SNTG1: variants seen among roughly 807,000 people sequenced by gnomAD.
SNTG1 encodes the protein syntrophin gamma 1.
A neutral mutation model predicts 74.7 loss-of-function variants in SNTG1; 39 were observed. The ratio of observed to expected loss-of-function variants is 0.52; its 90% confidence interval spans 0.40 to 0.68. SNTG1 has a LOEUF of 0.68. Ranked by LOEUF, SNTG1 falls within the 30% of genes least tolerant of loss-of-function variation. The probability of loss-of-function intolerance (pLI) is 0.00; values close to 1 mark genes in which losing one functional copy is unlikely to be tolerated. For missense variants in SNTG1, 685 were observed against 609.5 expected, an observed-to-expected ratio of 1.12 and a Z score of -1.30; for synonymous variants, 254 against 217.1, an observed-to-expected ratio of 1.17 and a Z score of -1.49.
At chr8:49,944,590 A>C (rs1207482792) in intron 1 of SNTG1, among the ~76,000 whole-genome samples, 1 of 55,690 alleles carries the variant, frequency 1.8e-5, no homozygotes, top group African/African-American at 7.7e-5. Flanking sequence ...GGGTGGGGGG[A>C]GGGGGGAGGG....
intron 1 of SNTG1, among the ~76,000 whole-genome samples, chr8:49,987,489 G>T (rs972952552): frequency 9.9e-5 from 15 of 152,002 alleles, no homozygotes; most frequent in African/African-American, 3.6e-4. Context: ...CTTGAAATAG[G>T]GCCCAAATTT....
intron 2 of SNTG1, among the ~76,000 whole-genome samples, chr8:50,226,832 G>A (rs2085353660): frequency 6.6e-6 from 1 of 151,976 alleles, no homozygotes; most frequent in Non-Finnish European, 1.5e-5. Flanking sequence ...CATGGACCAT[G>A]GTCACTCTTA....
At chr8:50,090,668 A>G (rs2079693127) in intron 1 of SNTG1, among the ~76,000 whole-genome samples, 1 of 152,124 alleles carries the variant, frequency 6.6e-6, no homozygotes, top group South Asian at 2.1e-4. Context: ...ATTATACTGA[A>G]TGGGAATCAA....
At chr8:50,696,222 G>T (rs1471405915) in intron 15 of SNTG1, among the ~76,000 whole-genome samples, 2 of 152,004 alleles carry the variant, frequency 1.3e-5, no homozygotes, top group Non-Finnish European at 2.9e-5. Context: ...GATTGGTGAT[G>T]TTGAGCATTT....
chr8:50,053,052 C>T (rs541760395), intron 1 of SNTG1, among the ~76,000 whole-genome samples: 1 of 152,230 alleles, frequency 6.6e-6, no homozygotes, highest in South Asian at 2.1e-4. Flanking sequence ...AGTAACTCCA[C>T]TGCCATGATA....
chr8:49,929,823 G>A (rs547774669), intron 1 of SNTG1, among the ~76,000 whole-genome samples: 10 of 150,112 alleles, frequency 6.7e-5, no homozygotes, highest in South Asian at 6.4e-4. Flanking sequence ...CCACTAACTC[G>A]TCATCTAGCA....
intron 1 of SNTG1, among the ~76,000 whole-genome samples, chr8:50,023,985 G>C (rs552021291): frequency 6.6e-6 from 1 of 152,090 alleles, no homozygotes; most frequent in Non-Finnish European, 1.5e-5. Context: ...CACATGGAGA[G>C]TTCACTAAAA....
chr8:50,489,759 G>T (rs1276460604), intron 8 of SNTG1, among the ~76,000 whole-genome samples: 1 of 152,200 alleles, frequency 6.6e-6, no homozygotes, highest in Admixed American at 6.5e-5. Context: ...CTTTGGCTGT[G>T]GAGAAGCTCT....
chr8:50,139,224 T>A (rs1032809104), intron 1 of SNTG1, among the ~76,000 whole-genome samples: 1 of 152,210 alleles, frequency 6.6e-6, no homozygotes, highest in Non-Finnish European at 1.5e-5. Context: ...GTTATCAACA[T>A]TTTAAAAAAC....
intron 1 of SNTG1, among the ~76,000 whole-genome samples, chr8:50,042,879 G>A (rs1221052378): frequency 6.6e-6 from 1 of 152,162 alleles, no homozygotes; most frequent in Non-Finnish European, 1.5e-5. Context: ...TTATAGCCAT[G>A]AGCTATGGCT....
chr8:50,101,826 G>C (rs2080139422), intron 1 of SNTG1, among the ~76,000 whole-genome samples: 1 of 151,278 alleles, frequency 6.6e-6, no homozygotes, highest in African/African-American at 2.4e-5. Flanking sequence ...TTTTGTCCTT[G>C]CGATAGTTTA....
intron 12 of SNTG1, among the ~76,000 whole-genome samples, chr8:50,570,593 T>TGTTGTTATA (rs1442297206): frequency 7.2e-6 from 1 of 139,560 alleles, no homozygotes; most frequent in Non-Finnish European, 1.5e-5. Flanking sequence ...TTATTGTTGT[T>TGTTGTTATA]ATTATTATTA....
At chr8:50,531,755 C>A (rs182129922) in intron 10 of SNTG1, among the ~76,000 whole-genome samples, 2 of 152,254 alleles carry the variant, frequency 1.3e-5, no homozygotes. Context: ...ACACAAGAAT[C>A]TCCATCTCAC....
intron 8 of SNTG1, among the ~76,000 whole-genome samples, chr8:50,482,529 C>T (rs2093749408): frequency 6.6e-6 from 1 of 152,186 alleles, no homozygotes; most frequent in Non-Finnish European, 1.5e-5. Context: ...AATGAGCACT[C>T]ATTCCTCTAA....
At chr8:50,639,944 C>T (rs533915892) in intron 13 of SNTG1, among the ~76,000 whole-genome samples, 242 of 152,228 alleles carry the variant, frequency 1.6e-3, no homozygotes, top group African/African-American at 5.2e-3. Flanking sequence ...TATATATCCT[C>T]ATCCTTCAGC....
intron 8 of SNTG1, among the ~76,000 whole-genome samples, chr8:50,462,411 A>G (rs1467521587): frequency 1.3e-5 from 2 of 151,732 alleles, no homozygotes; most frequent in African/African-American, 4.8e-5. Context: ...CTCAATGTTG[A>G]TGACTACTGA....
At chr8:50,556,240 T>G (rs890195107) in intron 12 of SNTG1, among the ~76,000 whole-genome samples, 1 of 152,208 alleles carries the variant, frequency 6.6e-6, no homozygotes, top group African/African-American at 2.4e-5. Context: ...GGGACTTGTC[T>G]TAAGCTGTAT....
intron 15 of SNTG1, among the ~76,000 whole-genome samples, chr8:50,671,087 A>G (rs1249085004): frequency 1.3e-5 from 2 of 151,754 alleles, no homozygotes; most frequent in Non-Finnish European, 2.9e-5. Context: ...AACCATAAAA[A>G]CCCTAGAAGA....
intron 1 of SNTG1, among the ~76,000 whole-genome samples, chr8:50,151,963 C>T (rs1945274707): frequency 6.6e-6 from 1 of 152,100 alleles, no homozygotes. Context: ...CCTGGATATC[C>T]TTGTTAACTT....
Sources: allele counts gnomAD v4.1 joint callset (sites outside exome capture counted in the v4.1 genomes callset), GRCh38; gene constraint gnomAD v4.1.1; transcripts MANE v1.5; gene names NCBI Gene and HGNC (gene_info 2026-07-23, HGNC 2026-07-21).